Variants in TBCD observed in about 807,000 individuals in gnomAD.
TBCD encodes tubulin-specific chaperone D.
A neutral mutation model predicts 169.3 loss-of-function variants in TBCD; 105 were observed. The observed-to-expected ratio is 0.62, with a 90% CI of 0.53 to 0.73. The LOEUF (loss-of-function observed/expected upper bound fraction) is 0.73, where lower values mean the gene tolerates loss of function less well. Among genes scored for constraint, TBCD ranks in the 30% least tolerant of loss-of-function variants. TBCD has a pLI of 0.00. For synonymous variants in TBCD, 700 were observed against 643.9 expected, an observed-to-expected ratio of 1.09 and a Z score of -1.32; for missense variants, 1,444 against 1,600.1, an observed-to-expected ratio of 0.90 and a Z score of 1.66.
At chr17:82,816,835 C>A (rs1306135411) in intron 13 of TBCD, among the ~76,000 whole-genome samples, 3 of 145,828 alleles carry the variant, frequency 2.1e-5, no homozygotes, top group African/African-American at 7.6e-5. Context: ...ACCACACTTG[C>A]CCCCTGCTTC....
rs982075760 is a variant in TBCD, at chr17:82,880,212, C to A, written c.1476-3933C>A. ...ATCAGTCTGTCTAGATGGGGTCTCG[C>A]TGTGTTGCCCAGACTGTACTCAAAT... On this transcript the variant is annotated intron_variant, in intron 14 of 38. Transcript: ENST00000355528. The surrounding 1 kb of genome is among the most constrained non-coding windows in gnomAD (Gnocchi z 5.0). 6.6e-6 allele frequency among the ~76,000 whole-genome samples: 1 copy of A among 152,164 alleles called. No homozygotes were observed. Among genetic ancestry groups the A allele is most frequent in the Non-Finnish European group, 1.5e-5 (1 of 68,032 alleles).
intron 13 of TBCD, among the ~76,000 whole-genome samples, chr17:82,815,182 T>C (rs2051778571): frequency 6.6e-6 from 1 of 152,250 alleles, no homozygotes; most frequent in South Asian, 2.1e-4. Context: ...TTGGCCTTTG[T>C]AATTTCCTAA....
chr17:82,798,675 G>C (rs2050282345), intron 8 of TBCD, among the ~76,000 whole-genome samples: 1 of 152,208 alleles, frequency 6.6e-6, no homozygotes, highest in Non-Finnish European at 1.5e-5. Context: ...GTTGGACCTG[G>C]CTTCTTGGGG....
At position 82,945,075 on chromosome 17, in the gene TBCD, A is replaced by G. The variant is rs549911823; in HGVS notation, c.*2612A>G. 6.6e-6 allele frequency: 1 copy of G among 152,336 alleles called. No homozygotes were observed. Among genetic ancestry groups the G allele is most frequent in the South Asian group, 2.1e-4 (1 of 4,828 alleles). The allele number at this position is 152,336 out of a possible 1,614,324, so 9.4% of individuals were successfully genotyped here. A position where few individuals can be genotyped will look rare whatever the true frequency, so the allele number is the denominator to read the frequency against. Reference sequence around the variant, plus strand: ...GCAAATACAAAACCTCTCTGGTAGAATGTAGGCTATAATATGAGTACATTT... The same window carrying G: ...GCAAATACAAAACCTCTCTGGTAGAGTGTAGGCTATAATATGAGTACATTT... On this transcript the variant is annotated 3_prime_UTR_variant, in exon 39 of 39. Transcript: ENST00000355528.
At chr17:82,848,843 TC>T (rs150785953) in intron 13 of TBCD, among the ~76,000 whole-genome samples, 2 of 148,030 alleles carry the variant, frequency 1.4e-5, no homozygotes, top group Non-Finnish European at 3.0e-5. Flanking sequence ...CACCTCGATG[TC>T]CCCCTCTGCC....
intron 5 of TBCD, among the ~76,000 whole-genome samples, chr17:82,768,976 TA>T (rs933953324): frequency 2.6e-5 from 4 of 152,346 alleles, no homozygotes. Context: ...TGCCAAGAGA[TA>T]AGTTGTTTAT....
chr17:82,772,323 C>G, intron 5 of TBCD, 129 bp from the exon 6 acceptor site: 1 of 903,186 alleles, frequency 1.1e-6, no homozygotes, highest in Non-Finnish European at 1.8e-6. Context: ...TGGACTTAGG[C>G]CTGTGCTGGT....
At chr17:82,818,955 G>T (rs1317766195) in intron 13 of TBCD, among the ~76,000 whole-genome samples, 1 of 152,208 alleles carries the variant, frequency 6.6e-6, no homozygotes, top group Non-Finnish European at 1.5e-5. Context: ...CTACTCGGGA[G>T]GCTGAGGCAG....
At chr17:82,844,932 G>A (rs1053941436) in intron 13 of TBCD, among the ~76,000 whole-genome samples, 1 of 152,174 alleles carries the variant, frequency 6.6e-6, no homozygotes, top group Non-Finnish European at 1.5e-5. Context: ...CCCACCCACA[G>A]GTCGGGAACA....
chr17:82,896,820 C>T lies in TBCD; in HGVS notation c.1649+3188C>T, dbSNP rs182776569. 5.7e-4 allele frequency among the ~76,000 whole-genome samples: 86 copies of T among 152,154 alleles called. 1 individual carries two copies. In the Middle Eastern group the frequency reaches 0.01, roughly 18 times the overall value. On this transcript the variant is annotated intron_variant, in intron 17 of 38. Transcript: ENST00000355528. ...TCGGCGTGATGGTGCCACGCGCCCC[C>T]GGTGCTGGATGAGCTCGGGGTCCGG...
intron 5 of TBCD, among the ~76,000 whole-genome samples, chr17:82,771,423 G>GTTT (rs879433375): frequency 6.9e-6 from 1 of 145,054 alleles, no homozygotes. Context: ...GCTGCAGTGA[G>GTTT]TTTTTTTTTT....
At chr17:82,855,235 C>CTTTTTTTTTTT (rs58346723) in intron 13 of TBCD, among the ~76,000 whole-genome samples, 6 of 54,032 alleles carry the variant, frequency 1.1e-4, no homozygotes, top group Non-Finnish European at 2.0e-4. Context: ...AAGGTGTTTG[C>CTTTTTTTTTTT]TTTTTTTTTT....
intron 14 of TBCD, among the ~76,000 whole-genome samples, chr17:82,875,645 T>C (rs1258749851): frequency 6.6e-6 from 1 of 152,156 alleles, no homozygotes; most frequent in Non-Finnish European, 1.5e-5. Flanking sequence ...CCGAGATCTC[T>C]TCCTCGGGGG....
intron 14 of TBCD, among the ~76,000 whole-genome samples, chr17:82,875,579 T>TCGAGCAAA (rs1356117038): frequency 6.6e-6 from 1 of 152,200 alleles, no homozygotes; most frequent in Non-Finnish European, 1.5e-5. Context: ...GGCCTCCACC[T>TCGAGCAAA]CGAGCAAACC....
intron 13 of TBCD, among the ~76,000 whole-genome samples, chr17:82,853,933 GC>G (rs1220519170): frequency 6.6e-6 from 1 of 151,778 alleles, no homozygotes; most frequent in Non-Finnish European, 1.5e-5. Flanking sequence ...TTCCTATTGG[GC>G]CCCCAACCCA....
At chr17:82,882,386 C>G (rs1021970738) in intron 14 of TBCD, among the ~76,000 whole-genome samples, 1 of 152,192 alleles carries the variant, frequency 6.6e-6, no homozygotes, top group African/African-American at 2.4e-5. Context: ...TGGGCCATCT[C>G]CAGGGCCTGG....
At chr17:82,845,838 G>A (rs951130920) in intron 13 of TBCD, among the ~76,000 whole-genome samples, 4 of 152,238 alleles carry the variant, frequency 2.6e-5, no homozygotes, top group Non-Finnish European at 5.9e-5. Flanking sequence ...AAGGAAGGGC[G>A]TCACATCTTG....
At chr17:82,870,530 G>A (rs2057483242) in intron 14 of TBCD, 150 bp downstream of exon 14, 1 of 1,116,144 alleles carries the variant, frequency 9.0e-7, no homozygotes, top group Non-Finnish European at 1.2e-6. Context: ...CCGCTTGGAG[G>A]TCAAGCTCCT....
At chr17:82,896,534 C>T (rs976991759) in intron 17 of TBCD, among the ~76,000 whole-genome samples, 3 of 148,566 alleles carry the variant, frequency 2.0e-5, no homozygotes, top group African/African-American at 7.5e-5. Context: ...GGCGCAATCG[C>T]GGCTCCCTGC....
Sources: allele counts gnomAD v4.1 joint callset (sites outside exome capture counted in the v4.1 genomes callset), GRCh38; gene constraint gnomAD v4.1.1; non-coding constraint Gnocchi (gnomAD v3.1); transcripts MANE v1.5; gene names NCBI Gene and HGNC (gene_info 2026-07-23, HGNC 2026-07-21).